ZMIZ1: variants seen among roughly 807,000 people sequenced by gnomAD.
The protein encoded by ZMIZ1 is zinc finger MIZ-type containing 1, also known as zinc finger MIZ domain-containing protein 1.
A neutral mutation model predicts 113.9 loss-of-function variants in ZMIZ1; 17 were observed. That is an observed-to-expected ratio of 0.15 (90% CI 0.10 to 0.22). The LOEUF (loss-of-function observed/expected upper bound fraction) is 0.22, where lower values mean the gene tolerates loss of function less well. Among genes scored for constraint, ZMIZ1 ranks in the 10% least tolerant of loss-of-function variants. ZMIZ1 has a pLI of 1.00. For missense variants in ZMIZ1, 1,059 were observed against 1,477.8 expected (o/e 0.72, Z 4.65); for synonymous variants, 607 against 603.1 (o/e 1.01, Z -0.09).
At chr10:79,112,975 C>T (rs940037997) in intron 1 of ZMIZ1, among the ~76,000 whole-genome samples, 9 of 152,228 alleles carry the variant, frequency 5.9e-5, no homozygotes, top group African/African-American at 2.2e-4. Flanking sequence ...GCTCCCAGCT[C>T]CTGAGATCGT....
chr10:79,117,281 T>C (rs1341975360), intron 1 of ZMIZ1, among the ~76,000 whole-genome samples: 2 of 152,254 alleles, frequency 1.3e-5, no homozygotes, highest in African/African-American at 2.4e-5. Flanking sequence ...AGACTCCGCC[T>C]CTTGATAGGA....
chr10:79,278,577 G>A (rs534978947), intron 8 of ZMIZ1, among the ~76,000 whole-genome samples: 5 of 146,852 alleles, frequency 3.4e-5, no homozygotes, highest in Non-Finnish European at 7.7e-5. Context: ...TAGGCAGAGG[G>A]TCCTGCCGCC....
chr10:79,302,337 AGTGTC>A, intron 18 of ZMIZ1, 125 bp downstream of exon 18: 1 of 945,468 alleles, frequency 1.1e-6, no homozygotes, highest in African/African-American at 1.6e-5. Context: ...CCGGGCCTGG[AGTGTC>A]CCTGAGCGCG....
At chr10:79,173,844 A>G (rs1846705789) in intron 4 of ZMIZ1, among the ~76,000 whole-genome samples, 1 of 152,162 alleles carries the variant, frequency 6.6e-6, no homozygotes, top group Non-Finnish European at 1.5e-5. Context: ...GGGAGGTAGG[A>G]TTAGAATTTG....
At chr10:79,101,079 G>A (rs1843349080) in intron 1 of ZMIZ1, among the ~76,000 whole-genome samples, 1 of 152,168 alleles carries the variant, frequency 6.6e-6, no homozygotes, top group African/African-American at 2.4e-5. Flanking sequence ...GTCCACAGAG[G>A]GGCTGCAGGG....
intron 7 of ZMIZ1, among the ~76,000 whole-genome samples, chr10:79,255,551 C>T (rs374765261): frequency 5.3e-5 from 8 of 152,260 alleles, no homozygotes; most frequent in African/African-American, 1.4e-4. Context: ...CATTCACCAG[C>T]GTCCCTGCCC....
intron 1 of ZMIZ1, among the ~76,000 whole-genome samples, chr10:79,083,679 C>G (rs1842726712): frequency 6.6e-6 from 1 of 152,178 alleles, no homozygotes; most frequent in East Asian, 1.9e-4. Flanking sequence ...GGAAAGGATG[C>G]TGGCGGCTTG....
At chr10:79,245,073 T>TGA (rs1166520928) in intron 7 of ZMIZ1, among the ~76,000 whole-genome samples, 2 of 152,138 alleles carry the variant, frequency 1.3e-5, no homozygotes, top group Non-Finnish European at 2.9e-5. Context: ...ACTTCCTTAG[T>TGA]GAGAAACCAC....
intron 8 of ZMIZ1, among the ~76,000 whole-genome samples, chr10:79,281,356 A>C (rs1421464865): frequency 1.3e-5 from 2 of 152,152 alleles, no homozygotes; most frequent in African/African-American, 4.8e-5. Flanking sequence ...CAGATGGAGG[A>C]AGATGGACAG....
chr10:79,245,236 A>G (rs926103763), intron 7 of ZMIZ1, among the ~76,000 whole-genome samples: 5 of 152,164 alleles, frequency 3.3e-5, no homozygotes, highest in South Asian at 2.1e-4. Flanking sequence ...CTTGATTCTC[A>G]TCACAGCCTG....
rs570245579 is a variant in ZMIZ1 at position 79,288,993 on chromosome 10, C to T, written c.426-782C>T. ...GTGTTTAGGGGCAGGGGCAGCTCCACGAGAGGACAGAGCCAAAGCGGGGTG... is the reference window on the plus strand; with the variant it reads ...GTGTTTAGGGGCAGGGGCAGCTCCATGAGAGGACAGAGCCAAAGCGGGGTG... On this transcript the variant is annotated intron_variant, in intron 8 of 24. Coordinates refer to ENST00000334512, the MANE Select transcript of ZMIZ1 (RefSeq NM_020338.4). Among the ~76,000 whole-genome samples, 51 of 152,218 alleles carry T rather than the reference C, an allele frequency of 3.4e-4. 1 individual carries two copies. Among genetic ancestry groups the T allele is most frequent in the African/African-American group, 1.1e-3 (47 of 41,526 alleles).
chr10:79,133,082 G>GT lies in ZMIZ1; in HGVS notation c.-226-6599dup, dbSNP rs556471656. Among the ~76,000 whole-genome samples the GT allele has an allele frequency of 1.1e-3, 175 of 152,272 alleles. 1 individual carries two copies. Among genetic ancestry groups the GT allele is most frequent in the Non-Finnish European group, 1.7e-3 (117 of 68,032 alleles). On this transcript the variant is annotated intron_variant, in intron 2 of 24. Transcript: ENST00000334512. ...ACCTTTCCACAGCTTCTAGGATCAA[G>GT]TCCAAACCCTTAGAATAGCATCCAA... is the stretch of plus-strand genomic sequence containing the variant.
chr10:79,165,150 CTGG>C (rs1448697080), intron 4 of ZMIZ1, among the ~76,000 whole-genome samples: 1 of 152,160 alleles, frequency 6.6e-6, no homozygotes, highest in East Asian at 1.9e-4. Context: ...GCTGGTCTGT[CTGG>C]TGTAACCTCA....
intron 1 of ZMIZ1, among the ~76,000 whole-genome samples, chr10:79,097,489 G>C (rs1843210377): frequency 6.6e-6 from 1 of 152,126 alleles, no homozygotes; most frequent in South Asian, 2.1e-4. Context: ...ATTTACTTTG[G>C]GCCTTGCTCA....
At chr10:79,251,228 C>G (rs1375111834) in intron 7 of ZMIZ1, among the ~76,000 whole-genome samples, 2 of 152,104 alleles carry the variant, frequency 1.3e-5, no homozygotes, top group Non-Finnish European at 2.9e-5. Flanking sequence ...GTCTTCTCCA[C>G]ACACCGGGAC....
rs540453399 is a variant in ZMIZ1, at chr10:79,105,490, C to T, written c.-336-13425C>T. On this transcript the variant is annotated intron_variant, in intron 1 of 24. Coordinates refer to ENST00000334512, the MANE Select transcript of ZMIZ1 (RefSeq NM_020338.4). ...CTCCTCAAAGGTAAACAAAAGTGAC[C>T]GTTGGCATTCAGGAGTTCATGTTAA... 3.5e-4 allele frequency among the ~76,000 whole-genome samples: 53 copies of T among 152,308 alleles called. No homozygotes were observed. In the South Asian group the frequency reaches 9.3e-3, roughly 27 times the overall value.
chr10:79,069,023 G>C lies in ZMIZ1; in HGVS notation c.-584G>C, dbSNP rs1293414351. ...CACTGTCTGTGGACATTAAAAAAGC[G>C]AGCGGCGGCGGCGGGCGCCGGGGAG... On this transcript the variant is annotated 5_prime_UTR_variant, in exon 1 of 25. Coordinates refer to ENST00000334512, the MANE Select transcript of ZMIZ1 (RefSeq NM_020338.4). This position sits in a 1 kb window ranked among gnomAD's most constrained non-coding sequence, Gnocchi z 4.6. 2.0e-5 allele frequency: 3 copies of C among 151,534 alleles called. No homozygotes were observed. Among genetic ancestry groups the C allele is most frequent in the Non-Finnish European group, 3.0e-5 (2 of 67,676 alleles). 9.4% of individuals were successfully genotyped at this position (151,534 alleles called of 1,614,324 possible). A position where few individuals can be genotyped will look rare whatever the true frequency, so the allele number is the denominator to read the frequency against.
chr10:79,197,790 C>T (rs962753258), intron 4 of ZMIZ1, among the ~76,000 whole-genome samples: 1 of 152,018 alleles, frequency 6.6e-6, no homozygotes, highest in Non-Finnish European at 1.5e-5. Context: ...ACTACATTTT[C>T]TTATCTGTGC....
At chr10:79,072,560 A>G (rs1842325779) in intron 1 of ZMIZ1, among the ~76,000 whole-genome samples, 1 of 152,252 alleles carries the variant, frequency 6.6e-6, no homozygotes, top group Non-Finnish European at 1.5e-5. Context: ...CTGAGGGTCC[A>G]ACGAGTGGCC....
Sources: allele counts gnomAD v4.1 joint callset (sites outside exome capture counted in the v4.1 genomes callset), GRCh38; gene constraint gnomAD v4.1.1; non-coding constraint Gnocchi (gnomAD v3.1); transcripts MANE v1.5; gene names NCBI Gene and HGNC (gene_info 2026-07-23, HGNC 2026-07-21).